Variants in RASSF3 observed in about 807,000 individuals in gnomAD.
The protein encoded by RASSF3 is ras association domain-containing protein 3.
A neutral mutation model predicts 19.9 loss-of-function variants in RASSF3; 19 were observed. The ratio of observed to expected loss-of-function variants is 0.96; its 90% CI spans 0.67 to 1.40. RASSF3 has a LOEUF of 1.40. Ranked by LOEUF, RASSF3 falls within the 40% of genes most tolerant of loss-of-function variation. The probability of loss-of-function intolerance (pLI) is 0.00; values close to 1 mark genes in which losing one functional copy is unlikely to be tolerated. For synonymous variants in RASSF3, 110 were observed against 104.2 expected (o/e 1.06, Z -0.34); for missense variants, 306 against 289.8 (o/e 1.06, Z -0.41).
At chr12:64,654,623 A>T (rs1269957898) in intron 1 of RASSF3, 3 of 101,944 alleles carry the variant, frequency 2.9e-5, no homozygotes, top group Non-Finnish European at 5.4e-5. Flanking sequence ...TGGGCAATAT[A>T]GTGAGACCGT....
intron 2 of RASSF3, among the ~76,000 whole-genome samples, chr12:64,592,395 T>A (rs1232301248): frequency 6.6e-6 from 1 of 152,212 alleles, no homozygotes; most frequent in African/African-American, 2.4e-5. Context: ...TTAGGTTGTT[T>A]CCTTTTTTTG....
At chr12:64,622,198 G>GC (rs1870797716) in intron 1 of RASSF3, among the ~76,000 whole-genome samples, 1 of 150,770 alleles carries the variant, frequency 6.6e-6, no homozygotes, top group South Asian at 2.1e-4. Flanking sequence ...TTACAGGCAT[G>GC]CACCACCATG....
intron 2 of RASSF3, among the ~76,000 whole-genome samples, chr12:64,600,408 C>T (rs1870073097): frequency 6.6e-6 from 1 of 152,156 alleles, no homozygotes; most frequent in Non-Finnish European, 1.5e-5. Context: ...CTTTAATGAG[C>T]AAACTCATTA....
chr12:64,652,104 A>G (rs1410125616), intron 1 of RASSF3, among the ~76,000 whole-genome samples: 1 of 152,222 alleles, frequency 6.6e-6, no homozygotes, highest in Non-Finnish European at 1.5e-5. Context: ...ATAGATTACC[A>G]TATTTTGCAA....
rs890347163 is a variant in RASSF3 at position 64,695,778 on chromosome 12, G to A, written c.*866G>A. On this transcript the variant is annotated 3_prime_UTR_variant, in exon 5 of 5. Transcript: ENST00000542104. ...AGGTGGGCCTCACGCAGCTGGATCC[G>A]ACCCTTTAATTCTGCCCTTTTGGAG... 2 of 152,272 alleles carry A rather than the reference G, an allele frequency of 1.3e-5. No homozygotes were observed. The highest frequency in any genetic ancestry group is 1.9e-4 in the East Asian group (1 of 5,182). The allele number at this position is 152,272 out of a possible 1,614,324, so 9.4% of individuals were successfully genotyped here.
At chr12:64,554,086 C>T (rs1869212523) in intron 2 of RASSF3, among the ~76,000 whole-genome samples, 1 of 152,054 alleles carries the variant, frequency 6.6e-6, no homozygotes, top group African/African-American at 2.4e-5. Context: ...AGCCCATTGG[C>T]CCAGTTTCTG....
intron 1 of RASSF3, among the ~76,000 whole-genome samples, chr12:64,659,951 C>CGTGTGTGTGTGTGTGTGT (rs200835780): frequency 2.1e-5 from 3 of 144,852 alleles, no homozygotes; most frequent in African/African-American, 7.7e-5. Flanking sequence ...TCATCTAATA[C>CGTGTGTGTGTGTGTGTGT]GTGTGTGTGT....
At chr12:64,566,988 G>C (rs960750197) in intron 2 of RASSF3, among the ~76,000 whole-genome samples, 4 of 152,226 alleles carry the variant, frequency 2.6e-5, no homozygotes, top group Non-Finnish European at 5.9e-5. Context: ...TCCTTTGGCA[G>C]ATCAGCAAAC....
In RASSF3 at chr12:64,580,217, A is replaced by G. The variant is rs143055282; in HGVS notation, c.294+38512A>G. ...CTTTCAAGGGTATTTCTGGTATATT[A>G]TTCACACTTTGGATTACAACCCATT... On this transcript the variant is annotated intron_variant, in intron 2 of 5. Coordinates refer to the RASSF3 transcript ENST00000637125. Among the ~76,000 whole-genome samples the G allele has an allele frequency of 1.3e-3, 191 of 152,256 alleles. 1 individual carries two copies. Among genetic ancestry groups the G allele is most frequent in the African/African-American group, 4.5e-3 (185 of 41,548 alleles).
intron 1 of RASSF3, among the ~76,000 whole-genome samples, chr12:64,652,741 A>T (rs766202987): frequency 1.3e-5 from 2 of 151,996 alleles, no homozygotes; most frequent in Non-Finnish European, 2.9e-5. Flanking sequence ...CAGTAATCAC[A>T]CTCTTATTAT....
chr12:64,619,408 A>G (rs1870667007), intron 1 of RASSF3, among the ~76,000 whole-genome samples: 1 of 151,848 alleles, frequency 6.6e-6, no homozygotes, highest in African/African-American at 2.4e-5. Context: ...CAGTTTAAGG[A>G]CAGAAGAGGG....
intron 2 of RASSF3, among the ~76,000 whole-genome samples, chr12:64,590,717 C>T (rs1021586676): frequency 6.6e-6 from 1 of 152,042 alleles, no homozygotes; most frequent in Non-Finnish European, 1.5e-5. Context: ...ACCAACTATC[C>T]ACTAGTACCT....
At chr12:64,660,050 A>G (rs917008227) in intron 1 of RASSF3, among the ~76,000 whole-genome samples, 2 of 98,720 alleles carry the variant, frequency 2.0e-5, no homozygotes, top group Non-Finnish European at 4.0e-5. Context: ...ATGTGTGTGT[A>G]TGTATATATA....
intron 2 of RASSF3, among the ~76,000 whole-genome samples, chr12:64,593,953 AG>A (rs1220136036): frequency 6.9e-6 from 1 of 145,224 alleles, no homozygotes; most frequent in Non-Finnish European, 1.5e-5. Context: ...CAGAAGTTGC[AG>A]TGAGCCTAGA....
At chr12:64,659,328 C>A (rs183960637) in intron 1 of RASSF3, among the ~76,000 whole-genome samples, 22 of 152,296 alleles carry the variant, frequency 1.4e-4, no homozygotes, top group South Asian at 2.1e-4. Context: ...TAAGATTATT[C>A]TTCTCCTAAA....
At chr12:64,670,218 CTATT>C (rs1294565142) in intron 1 of RASSF3, among the ~76,000 whole-genome samples, 1 of 152,042 alleles carries the variant, frequency 6.6e-6, no homozygotes, top group Non-Finnish European at 1.5e-5. Flanking sequence ...GTGTCTAAAG[CTATT>C]TATTTGGGGG....
chr12:64,614,864 T>TTC (rs889451545), intron 1 of RASSF3, among the ~76,000 whole-genome samples: 18 of 151,842 alleles, frequency 1.2e-4, no homozygotes, highest in African/African-American at 4.3e-4. Flanking sequence ...GGCCTGGCTT[T>TTC]TTTTTTTGTA....
At chr12:64,671,908 C>CAAAGAGCCATCTTGAGTGGCCTGTA (rs1872713860) in intron 1 of RASSF3, among the ~76,000 whole-genome samples, 2 of 152,194 alleles carry the variant, frequency 1.3e-5, no homozygotes, top group Admixed American at 6.5e-5. Context: ...ACAGACTTAT[C>CAAAGAGCCATCTTGAGTGGCCTGTA]AAAGAGCCAT....
chr12:64,648,802 A>ATTTTTTT (rs60003798), intron 1 of RASSF3, among the ~76,000 whole-genome samples: 3,061 of 104,944 alleles, frequency 0.029, 167 homozygotes, highest in African/African-American at 0.033. Flanking sequence ...TTTTACATTG[A>ATTTTTTT]TTTTTTTTTT....
Sources: gnomAD v4.1 joint callset for allele counts (sites outside exome capture counted in the v4.1 genomes callset) on GRCh38, gnomAD v4.1.1 for gene constraint, MANE v1.5 for transcripts, NCBI Gene and HGNC (gene_info 2026-07-23, HGNC 2026-07-21) for gene names.